CAPN2: variants seen among roughly 807,000 people sequenced by gnomAD.
CAPN2 encodes the protein calpain-2 catalytic subunit.
A neutral mutation model predicts 102.3 loss-of-function variants in CAPN2; 92 were observed. That is an observed-to-expected ratio of 0.90 (90% CI 0.76 to 1.07). CAPN2 has a LOEUF of 1.07. CAPN2 is among the 50% of genes least tolerant of loss of function. The pLI is 0.00. For synonymous variants in CAPN2, 340 were observed against 355.4 expected (o/e 0.96, Z 0.49); for missense variants, 800 against 909.4 (o/e 0.88, Z 1.55).
chr1:223,722,633 G>C (rs1436798430), intron 2 of CAPN2, among the ~76,000 whole-genome samples: 1 of 151,924 alleles, frequency 6.6e-6, no homozygotes, highest in African/African-American at 2.4e-5. Context: ...TTTTATAATA[G>C]GTACCTTTAA....
chr1:223,724,352 G>T (rs1277458479), intron 2 of CAPN2, among the ~76,000 whole-genome samples: 1 of 152,114 alleles, frequency 6.6e-6, no homozygotes, highest in African/African-American at 2.4e-5. Context: ...CCAGGAGGAG[G>T]TGGCCTGGCC....
At chr1:223,728,332 C>A (rs1204707337) in intron 2 of CAPN2, among the ~76,000 whole-genome samples, 1 of 152,140 alleles carries the variant, frequency 6.6e-6, no homozygotes, top group Non-Finnish European at 1.5e-5. Flanking sequence ...GGTGGATCAG[C>A]AGGGGTCCAG....
At chr1:223,749,906 A>C (rs1208233893) in intron 6 of CAPN2, among the ~76,000 whole-genome samples, 1 of 152,058 alleles carries the variant, frequency 6.6e-6, no homozygotes, top group Non-Finnish European at 1.5e-5. Flanking sequence ...GCTACTCGGG[A>C]GGCTGAGGTG....
rs935802911 is a variant in CAPN2, at chr1:223,724,143, G to A, written c.307+6312G>A. Among the ~76,000 whole-genome samples, 6 of 152,144 alleles carry A rather than the reference G, an allele frequency of 3.9e-5. No individual in the cohort carries two copies. In the East Asian group the frequency reaches 5.8e-4, roughly 15 times the overall value. ...GTGACTTTAGAATGTTACCTTCCTCGACAGCCCCCTGCACCCTCACACATC... is the reference window on the plus strand; with the variant it reads ...GTGACTTTAGAATGTTACCTTCCTCAACAGCCCCCTGCACCCTCACACATC... On this transcript the variant is annotated intron_variant, in intron 2 of 20. Coordinates refer to ENST00000295006, the MANE Select transcript of CAPN2 (RefSeq NM_001748.5).
upstream of CAPN2, among the ~76,000 whole-genome samples, chr1:223,712,164 A>G (rs1452556877): frequency 1.3e-5 from 2 of 152,208 alleles, no homozygotes. Context: ...TGTTTGGCAC[A>G]AAGTTCAGGG....
intron 2 of CAPN2, among the ~76,000 whole-genome samples, chr1:223,721,231 C>T (rs113183790): frequency 3.9e-5 from 6 of 152,310 alleles, no homozygotes; most frequent in African/African-American, 1.4e-4. Context: ...GGAGGAAGGG[C>T]TGGAGACCCA....
chr1:223,723,146 C>T (rs193189217), intron 2 of CAPN2, among the ~76,000 whole-genome samples: 1 of 152,158 alleles, frequency 6.6e-6, no homozygotes, highest in African/African-American at 2.4e-5. Flanking sequence ...CATAGCAAAA[C>T]TCTGTCTCTA....
intron 20 of CAPN2, among the ~76,000 whole-genome samples, chr1:223,773,547 G>C (rs1661537108): frequency 6.6e-6 from 1 of 152,170 alleles, no homozygotes; most frequent in African/African-American, 2.4e-5. Flanking sequence ...TACAAAATTA[G>C]CCAGGCGTGG....
chr1:223,746,538 C>T (rs1169422071), intron 4 of CAPN2, among the ~76,000 whole-genome samples: 2 of 142,498 alleles, frequency 1.4e-5, no homozygotes, highest in Admixed American at 1.5e-4. Context: ...GAGTGAGCGG[C>T]ATGATCTCAG....
chr1:223,709,680 A>C (rs1659690412), upstream of CAPN2, among the ~76,000 whole-genome samples: 1 of 144,922 alleles, frequency 6.9e-6, no homozygotes, highest in Non-Finnish European at 1.6e-5. Context: ...AAAAGAGTCC[A>C]TTTAACTTGA....
intron 8 of CAPN2, 54 bp downstream of exon 8, chr1:223,752,125 TA>T: frequency 8.2e-7 from 1 of 1,222,828 alleles, no homozygotes; most frequent in African/African-American, 1.5e-5. Flanking sequence ...TGTTCTTTAC[TA>T]GAAAACTGCT....
At chr1:223,704,414 A>G (rs1203601110) in intron 1 of CAPN2, among the ~76,000 whole-genome samples, 1 of 152,210 alleles carries the variant, frequency 6.6e-6, no homozygotes, top group East Asian at 1.9e-4. Context: ...TACAGAAGGG[A>G]AGTCCAAAGG....
At chr1:223,767,223 T>C (rs1257437430) in intron 16 of CAPN2, among the ~76,000 whole-genome samples, 1 of 152,132 alleles carries the variant, frequency 6.6e-6, no homozygotes, top group Non-Finnish European at 1.5e-5. Flanking sequence ...AGTTTTAGGG[T>C]ACATGTGCAC....
At chr1:223,735,132 T>G (rs574698381) in intron 2 of CAPN2, among the ~76,000 whole-genome samples, 3 of 152,302 alleles carry the variant, frequency 2.0e-5, no homozygotes, top group African/African-American at 7.2e-5. Context: ...AGGATACACC[T>G]CATCATGATC....
intron 2 of CAPN2, among the ~76,000 whole-genome samples, chr1:223,735,811 G>A (rs55760211): frequency 0.068 from 10,284 of 150,524 alleles, 393 homozygotes; most frequent in African/African-American, 0.077. Flanking sequence ...ACGGAGTCTC[G>A]ATCTGTTGCC....
intron 14 of CAPN2, 28 bp from the exon 15 acceptor site, chr1:223,764,122 T>A: frequency 6.2e-7 from 1 of 1,605,152 alleles, no homozygotes; most frequent in South Asian, 1.1e-5. Flanking sequence ...GGGGGGCCAA[T>A]AACTATGCTC....
At chr1:223,757,166 G>A (rs1252209508) in intron 10 of CAPN2, among the ~76,000 whole-genome samples, 2 of 152,228 alleles carry the variant, frequency 1.3e-5, no homozygotes. Context: ...AAGTTAGGAA[G>A]GGAGGTGAGG....
chr1:223,747,108 G>C lies in CAPN2; in HGVS notation c.672G>C (p.Leu224=). Residue 224 remains leucine, a synonymous_variant, in exon 5 of 21, where the codon CTG becomes CTC. Coordinates refer to ENST00000295006, the MANE Select transcript of CAPN2 (RefSeq NM_001748.5). ...AGTTGAAGAAGCCCCCTCCCAACCT[G>C]TTCAAGATCATCCAGAAAGCTCTGC... is the stretch of plus-strand genomic sequence containing the variant. ...WYELKKPPPN[L]FKIIQKALQK... The C allele has an allele frequency of 6.2e-7, 1 of 1,613,974 alleles. No homozygotes were observed. The highest frequency in any genetic ancestry group is 1.1e-5 in the South Asian group (1 of 91,048).
At position 223,774,835 on chromosome 1, in the gene CAPN2, G is replaced by T. The variant is rs1382426644; in HGVS notation, c.2081G>T (p.Trp694Leu). 2.5e-6 allele frequency: 4 copies of T among 1,612,706 alleles called. No individual in the cohort carries two copies. The highest frequency in any genetic ancestry group is 2.5e-6 in the Non-Finnish European group (3 of 1,179,472). Residue 694 changes from tryptophan (W) to leucine (L), a missense_variant and splice_region_variant, in exon 21 of 21, where the codon TGG becomes TTG. Physicochemically the swap from Trp to Leu is moderately conservative, Grantham distance 61. Coordinates refer to ENST00000295006, the MANE Select transcript of CAPN2 (RefSeq NM_001748.5). ...ACTTTTTTTTTTCCTTCCTCACAGT[G>T]GCTCTGTTTCTCAGTACTTTGAAGT... ...TGTIELDLISWLCFSVL is the reference protein window; with the variant it reads ...TGTIELDLISLLCFSVL
Sources: allele counts gnomAD v4.1 joint callset (sites outside exome capture counted in the v4.1 genomes callset), GRCh38; gene constraint gnomAD v4.1.1; transcripts MANE v1.5; gene names NCBI Gene and HGNC (gene_info 2026-07-23, HGNC 2026-07-21).